The following ASTN2 variants were observed in gnomAD, a reference collection of about 807,000 sequenced individuals.
The protein encoded by ASTN2 is astrotactin 2.
A neutral mutation model predicts 139.8 loss-of-function variants in ASTN2; 54 were observed. The observed-to-expected ratio is 0.39, with a 90% confidence interval of 0.31 to 0.48. The LOEUF (loss-of-function observed/expected upper bound fraction) is 0.48, where lower values mean the gene tolerates loss of function less well. ASTN2 is among the 20% of genes least tolerant of loss of function. The pLI is 0.95. For synonymous variants in ASTN2, 756 were observed against 719.5 expected, an observed-to-expected ratio of 1.05 and a Z score of -0.81; for missense variants, 1,565 against 1,725.1, an observed-to-expected ratio of 0.91 and a Z score of 1.64.
chr9:117,179,283 A>G (rs1830996565), intron 3 of ASTN2, among the ~76,000 whole-genome samples: 2 of 152,200 alleles, frequency 1.3e-5, no homozygotes, highest in African/African-American at 4.8e-5. Context: ...ATAAATATAT[A>G]TAATGATATG....
chr9:116,852,192 T>A (rs1832624812), intron 11 of ASTN2, among the ~76,000 whole-genome samples: 1 of 152,146 alleles, frequency 6.6e-6, no homozygotes, highest in Non-Finnish European at 1.5e-5. Context: ...CTCTACACAA[T>A]AGGACCTGAT....
At chr9:117,008,306 C>A in intron 6 of ASTN2, 47 bp from the exon 7 acceptor site, 1 of 1,499,876 alleles carries the variant, frequency 6.7e-7, no homozygotes, top group Non-Finnish European at 9.0e-7. Context: ...ATTTTAAGGT[C>A]TTAGCTGATG....
At chr9:116,632,305 T>G (rs1279778135) in intron 17 of ASTN2, among the ~76,000 whole-genome samples, 1 of 139,676 alleles carries the variant, frequency 7.2e-6, no homozygotes, top group Non-Finnish European at 1.5e-5. Flanking sequence ...ACCCCCAAAA[T>G]ATGTACAACT....
intron 1 of ASTN2, among the ~76,000 whole-genome samples, chr9:117,404,693 C>T (rs770946601): frequency 1.3e-5 from 2 of 152,002 alleles, no homozygotes; most frequent in African/African-American, 2.4e-5. Context: ...AGCCAGATAG[C>T]GGCTACATCT....
At chr9:116,492,752 C>T (rs1194035618) in intron 19 of ASTN2, among the ~76,000 whole-genome samples, 2 of 152,174 alleles carry the variant, frequency 1.3e-5, no homozygotes, top group African/African-American at 4.8e-5. Context: ...ATGGTTCCAC[C>T]TTGCCATCTT....
chr9:117,077,649 G>C (rs2132719735), intron 5 of ASTN2, among the ~76,000 whole-genome samples: 1 of 152,276 alleles, frequency 6.6e-6, no homozygotes, highest in East Asian at 1.9e-4. Flanking sequence ...TTGGGAGGCT[G>C]AGGCAAGAGA....
intron 7 of ASTN2, among the ~76,000 whole-genome samples, chr9:116,998,549 T>TCATC (rs35712923): frequency 1.1e-4 from 17 of 150,558 alleles, no homozygotes; most frequent in South Asian, 4.2e-4. Context: ...AATTTGATTT[T>TCATC]CATCCATCCA....
At chr9:116,944,036 A>C (rs10817965) in intron 10 of ASTN2, among the ~76,000 whole-genome samples, 62,931 of 151,630 alleles carry the variant, frequency 0.42, 15,085 homozygotes, top group Non-Finnish European at 0.54. Context: ...TGTAGTGCTT[A>C]CCATGTGCCA....
intron 7 of ASTN2, among the ~76,000 whole-genome samples, chr9:117,002,658 A>T (rs1172664396): frequency 6.6e-6 from 1 of 152,230 alleles, no homozygotes; most frequent in African/African-American, 2.4e-5. Context: ...AAGAAGCATC[A>T]GGAGGAAAAT....
At chr9:116,832,293 A>AAGTCTTAT (rs1831836351) in intron 11 of ASTN2, among the ~76,000 whole-genome samples, 1 of 152,104 alleles carries the variant, frequency 6.6e-6, no homozygotes, top group African/African-American at 2.4e-5. Flanking sequence ...GCCAATGGGT[A>AAGTCTTAT]AGTCTTATAG....
At chr9:116,991,950 C>T (rs1030129084) in intron 7 of ASTN2, among the ~76,000 whole-genome samples, 8 of 152,266 alleles carry the variant, frequency 5.3e-5, no homozygotes, top group African/African-American at 1.9e-4. Flanking sequence ...TTATGAGGAA[C>T]ACACATGCCC....
intron 19 of ASTN2, among the ~76,000 whole-genome samples, chr9:116,513,393 T>G (rs550109411): frequency 6.6e-6 from 1 of 152,360 alleles, no homozygotes; most frequent in Admixed American, 6.5e-5. Flanking sequence ...TGGGCTTCCC[T>G]TTGTGGATAA....
Position 116,537,228 on chromosome 9 carries a change from G to A in ASTN2, c.3356-49728C>T, listed in dbSNP as rs534408886. Reference sequence around the variant, plus strand: ...GCAGAAATTACCCATCTTCTGTGTCGCTCACACTGGGAGCTGTAGACTGGA... The same window carrying A: ...GCAGAAATTACCCATCTTCTGTGTCACTCACACTGGGAGCTGTAGACTGGA... On this transcript the variant is annotated intron_variant, in intron 19 of 22. Transcript: ENST00000313400. Among the ~76,000 whole-genome samples the A allele has an allele frequency of 1.4e-4, 21 of 152,268 alleles. No individual in the cohort carries two copies. The South Asian group carries it at 2.1e-3, about 15-fold the overall frequency.
intron 3 of ASTN2, among the ~76,000 whole-genome samples, chr9:117,186,450 A>G (rs1175333144): frequency 3.3e-5 from 5 of 152,006 alleles, no homozygotes; most frequent in Admixed American, 6.6e-5. Context: ...GGGAGGCTGA[A>G]GCAGGAGAAT....
intron 7 of ASTN2, among the ~76,000 whole-genome samples, chr9:116,982,259 T>C (rs954730789): frequency 6.6e-6 from 1 of 152,176 alleles, no homozygotes; most frequent in African/African-American, 2.4e-5. Context: ...GATTCTTCTC[T>C]CCCTGAGCCT....
chr9:116,988,636 AG>A lies in ASTN2; in HGVS notation c.1592-11852del, dbSNP rs373070535. Among the ~76,000 whole-genome samples the A allele has an allele frequency of 3.1e-3, 468 of 152,310 alleles. 4 individuals are homozygous for A. The highest frequency in any genetic ancestry group is 8.0e-3 in the African/African-American group (334 of 41,574). ...ATATAGCAAGAAAGCAACAGGGTCA[AG>A]ATTGGAACCCTGACCTGCTTGACTC... On this transcript the variant is annotated intron_variant, in intron 7 of 22. Coordinates refer to ENST00000313400, the MANE Select transcript of ASTN2 (RefSeq NM_001365068.1).
intron 7 of ASTN2, among the ~76,000 whole-genome samples, chr9:116,994,034 T>C (rs2132556615): frequency 6.6e-6 from 1 of 152,064 alleles, no homozygotes; most frequent in Non-Finnish European, 1.5e-5. Flanking sequence ...GATAAATATA[T>C]ACTGAACGTT....
At chr9:116,451,724 T>C (rs1293737933) in intron 20 of ASTN2, among the ~76,000 whole-genome samples, 3 of 152,182 alleles carry the variant, frequency 2.0e-5, no homozygotes, top group Admixed American at 6.5e-5. Flanking sequence ...TACAGGACTC[T>C]CATTTTTTTG....
chr9:116,875,910 C>A (rs1037246019), intron 10 of ASTN2, among the ~76,000 whole-genome samples: 17 of 152,176 alleles, frequency 1.1e-4, no homozygotes, highest in Non-Finnish European at 2.5e-4. Flanking sequence ...GATGGAGATG[C>A]ATAAGAGGTT....
Sources: allele counts gnomAD v4.1 joint callset (sites outside exome capture counted in the v4.1 genomes callset), GRCh38; gene constraint gnomAD v4.1.1; transcripts MANE v1.5; gene names NCBI Gene and HGNC (gene_info 2026-07-23, HGNC 2026-07-21).